HMCES: variants seen among roughly 807,000 people sequenced by gnomAD.
HMCES encodes abasic site processing protein HMCES.
A neutral mutation model predicts 35.1 loss-of-function variants in HMCES; 27 were observed. The observed-to-expected ratio is 0.77, with a 90% CI of 0.57 to 1.06. The LOEUF is 1.06. Among genes scored for constraint, HMCES ranks in the 50% least tolerant of loss-of-function variants. The pLI is 0.00. For synonymous variants in HMCES, 130 were observed against 154.7 expected (o/e 0.84, Z 1.18); for missense variants, 391 against 430.4 (o/e 0.91, Z 0.81).
At position 129,279,122 on chromosome 3, in the gene HMCES, C is replaced by T. The variant is rs541773958; in HGVS notation, c.-24+217C>T. On this transcript the variant is annotated intron_variant, in intron 1 of 6. Transcript: ENST00000383463. The surrounding 1 kb of genome is among the most constrained non-coding windows in gnomAD (Gnocchi z 4.2). The stretch of plus-strand genomic sequence containing the variant: ...GCGGGGAGGGGCGAGGGATCGCGGC[C>T]GGTGGCTGGGGGCCACCTGCTCCCC... The T allele has an allele frequency of 2.6e-5, 4 of 152,106 alleles. No homozygotes were observed. Among genetic ancestry groups the T allele is most frequent in the African/African-American group, 4.8e-5 (2 of 41,372 alleles). The allele number at this position is 152,106 out of a possible 1,614,324, so 9.4% of individuals were successfully genotyped here. A position where few individuals can be genotyped will look rare whatever the true frequency, so the allele number is the denominator to read the frequency against.
chr3:129,290,551 TG>T, intron 3 of HMCES, 127 bp from the exon 4 acceptor site: 1 of 891,820 alleles, frequency 1.1e-6, no homozygotes, highest in Non-Finnish European at 1.7e-6. Context: ...CCCAAAGTGT[TG>T]GGATTACAGC....
chr3:129,305,341 TCTTA>T lies in HMCES; in HGVS notation c.*520_*523del, dbSNP rs2071221597. On this transcript the variant is annotated 3_prime_UTR_variant, in exon 7 of 7. Transcript: ENST00000383463. ...TGATGCTGGTGGGGAAAGTTCTAGATCTTACTTGGTTTCTTCTAGAATCAGTCTT... is the reference window on the plus strand; with the variant it reads ...TGATGCTGGTGGGGAAAGTTCTAGATCTTGGTTTCTTCTAGAATCAGTCTT... 2 of 153,018 alleles carry T rather than the reference TCTTA, an allele frequency of 1.3e-5. No homozygotes were observed. The highest frequency in any genetic ancestry group is 4.1e-4 in the South Asian group (2 of 4,866). The allele number at this position is 153,018 out of a possible 1,614,324, so 9.5% of individuals were successfully genotyped here. A position where few individuals can be genotyped will look rare whatever the true frequency, so the allele number is the denominator to read the frequency against.
intron 5 of HMCES, among the ~76,000 whole-genome samples, chr3:129,300,765 TCAC>T: frequency 1.3e-5 from 2 of 151,978 alleles, no homozygotes; most frequent in Admixed American, 1.3e-4. Flanking sequence ...GCGCGGTGGC[TCAC>T]ACCTGTAATC....
At chr3:129,284,687 C>T (rs995847343) in intron 2 of HMCES, among the ~76,000 whole-genome samples, 11 of 152,066 alleles carry the variant, frequency 7.2e-5, no homozygotes, top group East Asian at 1.9e-4. Context: ...CTGAGGCAGG[C>T]GGATCACTTG....
Position 129,279,906 on chromosome 3 carries a change from C to G in HMCES, c.174C>G (p.His58Gln). 6.3e-7 allele frequency: 1 copy of G among 1,590,876 alleles called. No individual in the cohort carries two copies. Among genetic ancestry groups the G allele is most frequent in the Non-Finnish European group, 8.5e-7 (1 of 1,170,688 alleles). The change falls in exon 2 of 7, where the codon CAC becomes CAG. Residue 58 changes from histidine (H) to glutamine (Q), a missense_variant. Physicochemically the swap from His to Gln is conservative, Grantham distance 24. Coordinates refer to ENST00000383463, the MANE Select transcript of HMCES (RefSeq NM_020187.3). This position sits in a 1 kb window ranked among gnomAD's most constrained non-coding sequence, Gnocchi z 4.2. ...SNSPVLLSRL[H>Q]FEKDADSSER... is the part of the protein sequence containing the mutation. ...GCCCAGTGCTTCTGTCTCGACTGCA[C>G]TTTGAGAAGGTAACCAGCATTGCAC...
chr3:129,302,209 C>A, intron 6 of HMCES, 67 bp downstream of exon 6: 1 of 1,353,252 alleles, frequency 7.4e-7, no homozygotes, highest in Non-Finnish European at 1.0e-6. Context: ...CTCTTTCTTT[C>A]AGGATGTGGC....
At chr3:129,287,222 GT>G in intron 2 of HMCES, among the ~76,000 whole-genome samples, 2 of 150,650 alleles carry the variant, frequency 1.3e-5, no homozygotes, top group African/African-American at 4.9e-5. Flanking sequence ...TTTTTGTTTT[GT>G]TTTGTTTTGT....
intron 6 of HMCES, among the ~76,000 whole-genome samples, chr3:129,302,753 C>T (rs2071185069): frequency 1.3e-5 from 2 of 151,988 alleles, no homozygotes; most frequent in Non-Finnish European, 2.9e-5. Context: ...GTGGCTCATG[C>T]CTGTAATGCC....
rs773469486 is a variant in HMCES at position 129,279,841 on chromosome 3, A to G, written c.109A>G (p.Lys37Glu). Residue 37 changes from lysine (K) to glutamate (E), a missense_variant, in exon 2 of 7, where the codon AAG (lysine) becomes GAG (glutamate). By Grantham distance (56) the Lys-to-Glu change is moderately conservative. Coordinates refer to ENST00000383463, the MANE Select transcript of HMCES (RefSeq NM_020187.3). The surrounding 1 kb of genome is among the most constrained non-coding windows in gnomAD (Gnocchi z 4.2). ...QRLPEWRDPD[K>E]YCPSYNKSPQ... ...GCTCCCGGAGTGGAGGGACCCTGAT[A>G]AGTACTGCCCCTCTTACAACAAGAG... The G allele has an allele frequency of 6.2e-7, 1 of 1,613,494 alleles. No individual in the cohort carries two copies. The highest frequency in any genetic ancestry group is 1.1e-5 in the South Asian group (1 of 90,990).
At chr3:129,296,967 T>A (rs1397600518) in intron 4 of HMCES, among the ~76,000 whole-genome samples, 1 of 152,164 alleles carries the variant, frequency 6.6e-6, no homozygotes, top group Non-Finnish European at 1.5e-5. Flanking sequence ...CTCGATCTCC[T>A]GACCTCGTGA....
Position 129,298,375 on chromosome 3 carries a change from G to A in HMCES, c.475G>A (p.Asp159Asn), listed in dbSNP as rs369590178. ...CCAGTCAGGTAGCATTGGTGCTGCA[G>A]ATAGTCCTGAGAACTGGGAGAAAGT... ...TEKSGSIGAA[D>N]SPENWEKVWD... is the part of the protein sequence containing the mutation. The change falls in exon 5 of 7, where the codon GAT becomes AAT. Residue 159 changes from aspartate to asparagine, a missense_variant. Transcript: ENST00000383463. 9 of 1,614,220 alleles carry A rather than the reference G, an allele frequency of 5.6e-6. No individual in the cohort carries two copies. The highest frequency in any genetic ancestry group is 1.3e-5 in the African/African-American group (1 of 75,066).
At chr3:129,301,576 G>A (rs1241624695) in intron 5 of HMCES, among the ~76,000 whole-genome samples, 3 of 152,166 alleles carry the variant, frequency 2.0e-5, no homozygotes, top group African/African-American at 4.8e-5. Flanking sequence ...CTTACTGTAA[G>A]TCTTTCAGAG....
intron 5 of HMCES, among the ~76,000 whole-genome samples, chr3:129,301,590 G>A (rs770547496): frequency 2.0e-5 from 3 of 152,202 alleles, no homozygotes; most frequent in Non-Finnish European, 2.9e-5. Flanking sequence ...TTCAGAGGTG[G>A]TGAGGCTTGA....
At position 129,290,524 on chromosome 3, in the gene HMCES, TC is replaced by T. The variant is rs1286817081; in HGVS notation, c.328-153del. The stretch of plus-strand genomic sequence containing the variant: ...GTCTCGAACTCCTGACCTCAAGTGA[TC>T]CTCCCATCTCGGCCGCCCAAAGTGT... On this transcript the variant is annotated intron_variant, in intron 3 of 6. Transcript: ENST00000383463. Among the ~76,000 whole-genome samples the T allele has an allele frequency of 2.0e-5, 3 of 152,190 alleles. No homozygotes were observed. In the East Asian group the frequency reaches 5.8e-4, roughly 29 times the overall value.
At position 129,285,169 on chromosome 3, in the gene HMCES, C is replaced by T. The variant is rs118147420; in HGVS notation, c.184-3685C>T. On this transcript the variant is annotated intron_variant, in intron 2 of 6. Transcript: ENST00000383463. ...CTTTTAACAAAATTTTTTGTACCCT[C>T]AGGTTAAATCCTGTACATGATATAC... Among the ~76,000 whole-genome samples the T allele has an allele frequency of 6.8e-4, 104 of 152,282 alleles. No individual in the cohort carries two copies. The East Asian group carries it at 0.019, about 29-fold the overall frequency.
At position 129,302,120 on chromosome 3, in the gene HMCES, C is replaced by T; in HGVS notation, c.806C>T (p.Pro269Leu). The change falls in exon 6 of 7, where the codon CCT becomes CTT. Residue 269 changes from proline (P) to leucine (L), a missense_variant. By Grantham distance (98) the Pro-to-Leu change is moderately conservative (BLOSUM62 -3). Transcript: ENST00000383463. Reference sequence around the variant, plus strand: ...AACAACACTCCTGAGTGTCTGGCTCCTGTCGACTTGGTGGTCAAAAAGGTA... The same window carrying T: ...AACAACACTCCTGAGTGTCTGGCTCTTGTCGACTTGGTGGTCAAAAAGGTA... Reference protein sequence around the residue: ...SRNNTPECLAPVDLVVKKELR... With the variant: ...SRNNTPECLALVDLVVKKELR... The T allele has an allele frequency of 6.2e-7, 1 of 1,612,944 alleles. No homozygotes were observed. Among genetic ancestry groups the T allele is most frequent in the Non-Finnish European group, 8.5e-7 (1 of 1,179,648 alleles).
chr3:129,290,871 A>T (rs2071006524), intron 4 of HMCES, 67 bp downstream of exon 4: 1 of 1,458,068 alleles, frequency 6.9e-7, no homozygotes, highest in East Asian at 2.4e-5. Context: ...TCCAAAGGAC[A>T]TTTTTTTCTT....
intron 4 of HMCES, among the ~76,000 whole-genome samples, chr3:129,292,666 G>A (rs971671523): frequency 7.3e-5 from 11 of 151,488 alleles, no homozygotes; most frequent in African/African-American, 2.7e-4. Flanking sequence ...CTAATTTTTT[G>A]TATTTTTAGT....
At chr3:129,286,716 C>A (rs1454968294) in intron 2 of HMCES, among the ~76,000 whole-genome samples, 1 of 151,982 alleles carries the variant, frequency 6.6e-6, no homozygotes, top group African/African-American at 2.4e-5. Flanking sequence ...ACTACAATTT[C>A]TTTTTATTTT....
Sources: gnomAD v4.1 joint callset for allele counts (sites outside exome capture counted in the v4.1 genomes callset) on GRCh38, gnomAD v4.1.1 for gene constraint, Gnocchi (gnomAD v3.1) non-coding constraint, MANE v1.5 for transcripts, NCBI Gene and HGNC (gene_info 2026-07-23, HGNC 2026-07-21) for gene names.